DGKG: variants seen among roughly 807,000 people sequenced by gnomAD.
DGKG encodes the protein DAG kinase gamma.
A neutral mutation model predicts 105.3 loss-of-function variants in DGKG; 78 were observed. That is an observed-to-expected ratio of 0.74 (90% confidence interval 0.62 to 0.89). The LOEUF (loss-of-function observed/expected upper bound fraction) is 0.89, where lower values mean the gene tolerates loss of function less well. DGKG is among the 40% of genes least tolerant of loss of function. The pLI is 0.00. For synonymous variants in DGKG, 346 were observed against 367.1 expected, an observed-to-expected ratio of 0.94 and a Z score of 0.66; for missense variants, 958 against 1,020.1, an observed-to-expected ratio of 0.94 and a Z score of 0.83.
chr3:186,324,481 T>C (rs183284897), intron 1 of DGKG, among the ~76,000 whole-genome samples: 1 of 145,222 alleles, frequency 6.9e-6, no homozygotes, highest in African/African-American at 2.5e-5. Context: ...CAGTTGCAAA[T>C]ACAACATGTA....
At position 186,203,010 on chromosome 3, in the gene DGKG, T is replaced by A. The variant is rs991391045; in HGVS notation, c.1917+8785A>T. Among the ~76,000 whole-genome samples the A allele has an allele frequency of 6.6e-6, 1 of 152,062 alleles. No homozygotes were observed. Among genetic ancestry groups the A allele is most frequent in the Non-Finnish European group, 1.5e-5 (1 of 68,028 alleles). ...CGGAAAATAAAAGCATATGAATGAATAGAGGCTTGAAGTGAACTACAGGGT... is the reference window on the plus strand; with the variant it reads ...CGGAAAATAAAAGCATATGAATGAAAAGAGGCTTGAAGTGAACTACAGGGT... On this transcript the variant is annotated intron_variant, in intron 21 of 24. Transcript: ENST00000265022. The surrounding 1 kb of genome is among the most constrained non-coding windows in gnomAD (Gnocchi z 4.9).
intron 22 of DGKG, among the ~76,000 whole-genome samples, chr3:186,176,329 A>C (rs576499956): frequency 2.6e-5 from 4 of 152,150 alleles, no homozygotes; most frequent in African/African-American, 9.7e-5. Context: ...CGTGGCATAT[A>C]CAAGGTACAT....
In DGKG at chr3:186,267,787, G is replaced by A. The variant is rs1722126570; in HGVS notation, c.1117-10C>T. The A allele has an allele frequency of 2.5e-6, 4 of 1,612,762 alleles. No individual in the cohort carries two copies. The highest frequency in any genetic ancestry group is 2.7e-5 in the African/African-American group (2 of 74,990). On this transcript the variant is annotated splice_polypyrimidine_tract_variant and intron_variant, in intron 12 of 24. Coordinates refer to ENST00000265022, the MANE Select transcript of DGKG (RefSeq NM_001346.3). ...CACATTTGCGGTGAAACTGGGGGGA[G>A]AAATGAAAAAGAGAGTGAGTGAAAG...
intron 9 of DGKG, among the ~76,000 whole-genome samples, chr3:186,278,949 A>C (rs1722709027): frequency 6.6e-6 from 1 of 152,166 alleles, no homozygotes; most frequent in African/African-American, 2.4e-5. Context: ...TCATGCATGG[A>C]AGTGAGTTCA....
intron 19 of DGKG, among the ~76,000 whole-genome samples, chr3:186,247,019 T>G (rs374602548): frequency 6.6e-6 from 1 of 152,332 alleles, no homozygotes; most frequent in South Asian, 2.1e-4. Flanking sequence ...CACTGATACC[T>G]GGCCATCCTG....
intron 16 of DGKG, among the ~76,000 whole-genome samples, chr3:186,258,839 T>C (rs1161610422): frequency 6.6e-6 from 1 of 152,190 alleles, no homozygotes; most frequent in African/African-American, 2.4e-5. Flanking sequence ...TATTATTAAA[T>C]TTATGCATTA....
intron 22 of DGKG, among the ~76,000 whole-genome samples, chr3:186,177,247 A>T (rs1246933794): frequency 1.3e-5 from 2 of 152,136 alleles, no homozygotes; most frequent in African/African-American, 4.8e-5. Context: ...TATTCAAAGG[A>T]TCATGTTCAA....
chr3:186,172,061 G>T (rs111644318), intron 22 of DGKG, among the ~76,000 whole-genome samples: 2 of 152,234 alleles, frequency 1.3e-5, no homozygotes, highest in African/African-American at 4.8e-5. Context: ...TGGCCAGGCT[G>T]GTCTTGAACT....
Position 186,149,275 on chromosome 3 carries a change from C to G in DGKG, c.*815G>C. 4.1e-6 allele frequency: 4 copies of G among 985,036 alleles called. No individual in the cohort carries two copies. Among genetic ancestry groups the G allele is most frequent in the Non-Finnish European group, 4.8e-6 (4 of 829,822 alleles). 61.0% of individuals were successfully genotyped at this position (985,036 alleles called of 1,614,324 possible). ...TCCCTTTTTACACAATATTATGACA[C>G]CAATTTGAAAAATAAATCCCAGTTT... On this transcript the variant is annotated 3_prime_UTR_variant, in exon 25 of 25. Transcript: ENST00000265022.
chr3:186,260,147 G>A (rs1319419643), intron 16 of DGKG, among the ~76,000 whole-genome samples: 1 of 152,134 alleles, frequency 6.6e-6, no homozygotes, highest in Non-Finnish European at 1.5e-5. Flanking sequence ...TTACCAGCCT[G>A]TTCCTCCTGT....
chr3:186,267,801 A>C (rs771820260), intron 12 of DGKG, 24 bp from the exon 13 acceptor site: 1 of 1,597,998 alleles, frequency 6.3e-7, no homozygotes, highest in South Asian at 1.1e-5. Flanking sequence ...TGAAAAAGAG[A>C]GTGAGTGAAA....
chr3:186,223,012 TA>T (rs1719669658), intron 20 of DGKG, among the ~76,000 whole-genome samples: 1 of 8,394 alleles, frequency 1.2e-4, no homozygotes, highest in African/African-American at 6.5e-4. Context: ...GTATGTATAC[TA>T]TATATATATA....
chr3:186,234,320 A>G (rs761753605), intron 20 of DGKG, among the ~76,000 whole-genome samples: 1 of 152,236 alleles, frequency 6.6e-6, no homozygotes, highest in Non-Finnish European at 1.5e-5. Context: ...TCCCTTCTGG[A>G]AAGCATCCAG....
At chr3:186,326,058 G>A (rs556575645) in intron 1 of DGKG, among the ~76,000 whole-genome samples, 1 of 152,212 alleles carries the variant, frequency 6.6e-6, no homozygotes, top group African/African-American at 2.4e-5. Flanking sequence ...TGCTGCTGGG[G>A]TGTCATTGCT....
In DGKG at chr3:186,242,520, C is replaced by G. The variant is rs1720738369; in HGVS notation, c.1810G>C (p.Glu604Gln). Residue 604 changes from glutamate to glutamine, a missense_variant, in exon 20 of 25, where the codon GAA becomes CAA. By Grantham distance (29) the Glu-to-Gln change is conservative. Transcript: ENST00000265022. ...GCAGCTTACCTGCTGTTGAATTTTT[C>G]AGGATGTTTCTCTCTCATCACATGG... is the stretch of plus-strand genomic sequence containing the variant. The part of the protein sequence containing the change: ...RFHVMREKHP[E>Q]KFNSRMKNKL... The G allele has an allele frequency of 6.2e-7, 1 of 1,613,408 alleles. No individual in the cohort carries two copies. The highest frequency in any genetic ancestry group is 8.5e-7 in the Non-Finnish European group (1 of 1,179,650).
chr3:186,182,572 C>G (rs1420555245), intron 22 of DGKG, among the ~76,000 whole-genome samples: 1 of 152,208 alleles, frequency 6.6e-6, no homozygotes, highest in Non-Finnish European at 1.5e-5. Context: ...CTCTCAATTG[C>G]AAGTCCTCTA....
chr3:186,269,478 G>A (rs1352636479), intron 11 of DGKG, among the ~76,000 whole-genome samples: 2 of 152,220 alleles, frequency 1.3e-5, no homozygotes, highest in East Asian at 3.9e-4. Flanking sequence ...CCTCCCTGGT[G>A]CAGTCCTGGC....
At chr3:186,266,137 G>T (rs1484048458) in intron 13 of DGKG, among the ~76,000 whole-genome samples, 1 of 152,116 alleles carries the variant, frequency 6.6e-6, no homozygotes, top group African/African-American at 2.4e-5. Context: ...GGATGGCCTC[G>T]TAACTACTAC....
chr3:186,312,097 T>A (rs1448081598), intron 2 of DGKG, among the ~76,000 whole-genome samples: 1 of 91,768 alleles, frequency 1.1e-5, no homozygotes, highest in East Asian at 3.2e-4. Context: ...CAGTCCGGCC[T>A]GGGCGACAGA....
Sources: gnomAD v4.1 joint callset for allele counts (sites outside exome capture counted in the v4.1 genomes callset) on GRCh38, gnomAD v4.1.1 for gene constraint, Gnocchi (gnomAD v3.1) non-coding constraint, MANE v1.5 for transcripts, NCBI Gene and HGNC (gene_info 2026-07-23, HGNC 2026-07-21) for gene names.